PDE7B: variants seen among roughly 807,000 people sequenced by gnomAD.
PDE7B encodes the protein 3',5'-cyclic-AMP phosphodiesterase 7B.
Under a neutral mutation model 56.2 loss-of-function variants are expected in PDE7B, and 29 were observed. The observed-to-expected ratio is 0.52, with a 90% CI of 0.38 to 0.70. The LOEUF (loss-of-function observed/expected upper bound fraction) is 0.70. Among genes scored for constraint, PDE7B ranks in the 30% least tolerant of loss-of-function variants. PDE7B has a pLI of 0.00. For synonymous variants in PDE7B, 197 were observed against 196.9 expected, an observed-to-expected ratio of 1.00 and a Z score of 0.00; for missense variants, 490 against 565.0, an observed-to-expected ratio of 0.87 and a Z score of 1.35.
At chr6:135,917,906 T>A (rs1028072326) in intron 1 of PDE7B, among the ~76,000 whole-genome samples, 2 of 152,184 alleles carry the variant, frequency 1.3e-5, no homozygotes, top group Admixed American at 1.3e-4. Context: ...GTGAGCCCGC[T>A]CTCCTTTGGT....
At chr6:136,123,756 A>G (rs935055996) in intron 3 of PDE7B, among the ~76,000 whole-genome samples, 3 of 152,256 alleles carry the variant, frequency 2.0e-5, no homozygotes, top group African/African-American at 7.2e-5. Context: ...TATTAACTGG[A>G]ACTTCAAAAC....
At position 135,984,291 on chromosome 6, in the gene PDE7B, G is replaced by GTT. The variant is rs200832734; in HGVS notation, c.82+36773_82+36774dup. ...TAAATCATAGTCTCCCAATTGTTTT[G>GTT]TTTTTTTGTTTGTTTTTTTTGTTTG... On this transcript the variant is annotated intron_variant, in intron 2 of 12. Coordinates refer to ENST00000308191, the MANE Select transcript of PDE7B (RefSeq NM_018945.4). 1.2e-3 allele frequency among the ~76,000 whole-genome samples: 180 copies of GTT among 152,044 alleles called. 1 individual carries two copies. The highest frequency in any genetic ancestry group is 4.2e-3 in the African/African-American group (173 of 41,458).
intron 8 of PDE7B, among the ~76,000 whole-genome samples, chr6:136,170,078 T>A (rs1778855592): frequency 6.6e-6 from 1 of 152,198 alleles, no homozygotes; most frequent in Non-Finnish European, 1.5e-5. Context: ...TAGTTGCAGC[T>A]TTCCTGACTT....
chr6:136,122,156 C>T (rs542878109), intron 3 of PDE7B, among the ~76,000 whole-genome samples: 1 of 152,132 alleles, frequency 6.6e-6, no homozygotes, highest in Non-Finnish European at 1.5e-5. Context: ...CCACCACGCC[C>T]GGCTAATTTT....
At chr6:136,069,765 T>C (rs1210993999) in intron 2 of PDE7B, among the ~76,000 whole-genome samples, 4 of 152,148 alleles carry the variant, frequency 2.6e-5, no homozygotes, top group Non-Finnish European at 5.9e-5. Context: ...CATCAGAAAA[T>C]AGAGCAGAGA....
At chr6:136,183,288 T>C (rs983367012) in intron 11 of PDE7B, among the ~76,000 whole-genome samples, 3 of 151,996 alleles carry the variant, frequency 2.0e-5, no homozygotes, top group African/African-American at 4.8e-5. Context: ...GTAGAAATTC[T>C]GCTTGTTTTA....
intron 2 of PDE7B, among the ~76,000 whole-genome samples, chr6:135,952,095 C>A (rs1320454554): frequency 6.6e-6 from 1 of 152,112 alleles, no homozygotes; most frequent in Non-Finnish European, 1.5e-5. Context: ...AAACATCTGT[C>A]CTTCCTAGCC....
chr6:135,987,643 G>A (rs188128142), intron 2 of PDE7B, among the ~76,000 whole-genome samples: 43 of 152,210 alleles, frequency 2.8e-4, no homozygotes, highest in African/African-American at 8.7e-4. Context: ...TCACACCAAC[G>A]AGAAGGAGCC....
chr6:136,023,347 A>G (rs577057471), intron 2 of PDE7B, among the ~76,000 whole-genome samples: 29 of 152,292 alleles, frequency 1.9e-4, no homozygotes, highest in African/African-American at 7.0e-4. Flanking sequence ...CTACAACCCC[A>G]AGCTGGAATC....
chr6:136,147,028 T>A (rs2128446735), intron 3 of PDE7B, among the ~76,000 whole-genome samples: 1 of 152,132 alleles, frequency 6.6e-6, no homozygotes, highest in Non-Finnish European at 1.5e-5. Context: ...TGTAGTAGCA[T>A]CTACTCAGGA....
chr6:135,869,508 G>A (rs1372439592), intron 1 of PDE7B, among the ~76,000 whole-genome samples: 4 of 152,064 alleles, frequency 2.6e-5, no homozygotes, highest in Non-Finnish European at 2.9e-5. Flanking sequence ...AGGTATTTGG[G>A]GCCCTAGTAT....
chr6:135,864,276 T>A (rs1257724130), intron 1 of PDE7B, among the ~76,000 whole-genome samples: 1 of 152,162 alleles, frequency 6.6e-6, no homozygotes, highest in Admixed American at 6.6e-5. Context: ...TATTTAACTT[T>A]ATATAATGTA....
chr6:135,887,352 C>A (rs1232666731), intron 1 of PDE7B, among the ~76,000 whole-genome samples: 1 of 152,094 alleles, frequency 6.6e-6, no homozygotes, highest in African/African-American at 2.4e-5. Flanking sequence ...GGAGATATAA[C>A]AATGAGTCTT....
intron 2 of PDE7B, among the ~76,000 whole-genome samples, chr6:136,003,236 A>C (rs1273849140): frequency 1.3e-5 from 2 of 152,016 alleles, no homozygotes; most frequent in Non-Finnish European, 2.9e-5. Context: ...CTAAATGCCC[A>C]CAAGAGAAAG....
chr6:136,106,050 G>A (rs902127573), intron 2 of PDE7B, among the ~76,000 whole-genome samples: 4 of 135,976 alleles, frequency 2.9e-5, no homozygotes, highest in African/African-American at 1.1e-4. Flanking sequence ...GTTCCTCTTT[G>A]GTAATACTGA....
rs146834680 is a variant in PDE7B at position 136,103,235 on chromosome 6, C to T, written c.83-5496C>T. Among the ~76,000 whole-genome samples the T allele has an allele frequency of 1.1e-4, 17 of 152,274 alleles. 1 individual carries two copies. The highest frequency in any genetic ancestry group is 2.4e-4 in the African/African-American group (10 of 41,574). The stretch of plus-strand genomic sequence containing the variant: ...TCACTCAAGAAAGTGGAAGATTGAA[C>T]GCCCACAGGGGAAATTTGGGTCTAA... On this transcript the variant is annotated intron_variant, in intron 2 of 12. Coordinates refer to ENST00000308191, the MANE Select transcript of PDE7B (RefSeq NM_018945.4).
chr6:136,090,556 A>G (rs1369313610), intron 2 of PDE7B, among the ~76,000 whole-genome samples: 2 of 152,348 alleles, frequency 1.3e-5, no homozygotes, highest in East Asian at 3.9e-4. Flanking sequence ...ATTTTTCAAC[A>G]GTAGTACATT....
At position 136,193,658 on chromosome 6, in the gene PDE7B, C is replaced by T. The variant is rs371337606; in HGVS notation, c.*1818C>T. ...GTAGTGGGAGAATGACTGTTTCTGC[C>T]ACTATCAACCTGATCCTCATGCTGA... is the stretch of plus-strand genomic sequence containing the variant. On this transcript the variant is annotated 3_prime_UTR_variant, in exon 13 of 13. Transcript: ENST00000308191. 3.3e-5 allele frequency: 5 copies of T among 152,206 alleles called. No homozygotes were observed. The highest frequency in any genetic ancestry group is 3.9e-4 in the East Asian group (2 of 5,188). The allele number at this position is 152,206 out of a possible 1,614,324, so 9.4% of individuals were successfully genotyped here. A position where few individuals can be genotyped will look rare whatever the true frequency, so the allele number is the denominator to read the frequency against.
rs1055338384 is a variant in PDE7B at position 136,052,758 on chromosome 6, C to A, written c.83-55973C>A. Among the ~76,000 whole-genome samples the A allele has an allele frequency of 5.3e-5, 8 of 152,258 alleles. No individual in the cohort carries two copies. In the South Asian group the frequency reaches 1.0e-3, roughly 20 times the overall value. On this transcript the variant is annotated intron_variant, in intron 2 of 12. Transcript: ENST00000308191. ...ATAGCAGAAGTGTTTTTGTATTTGC[C>A]TTTGGTCTGTGCCAGGCATTTCACT...
Sources: gnomAD v4.1 joint callset for allele counts (sites outside exome capture counted in the v4.1 genomes callset) on GRCh38, gnomAD v4.1.1 for gene constraint, MANE v1.5 for transcripts, NCBI Gene and HGNC (gene_info 2026-07-23, HGNC 2026-07-21) for gene names.